Variants in KIF1B observed in about 807,000 individuals in gnomAD.
KIF1B encodes kinesin-like protein KIF1B.
A neutral mutation model predicts 241.9 loss-of-function variants in KIF1B; 76 were observed. The observed-to-expected ratio is 0.31, with a 90% CI of 0.26 to 0.38. The LOEUF is 0.38. Among genes scored for constraint, KIF1B ranks in the 10% least tolerant of loss-of-function variants. The pLI is 1.00. For synonymous variants in KIF1B, 750 were observed against 796.7 expected (o/e 0.94, Z 0.99); for missense variants, 1,622 against 2,271.4 (o/e 0.71, Z 5.81).
chr1:10,357,706 C>A (rs1638291150), intron 38 of KIF1B, among the ~76,000 whole-genome samples: 1 of 149,738 alleles, frequency 6.7e-6, no homozygotes, highest in Non-Finnish European at 1.5e-5. Flanking sequence ...CAGAGCAAGA[C>A]CCTTGTCTAA....
In KIF1B at chr1:10,378,484, A is replaced by G; in HGVS notation, c.*1897A>G. 1 of 716,736 alleles carries G rather than the reference A, an allele frequency of 1.4e-6. No individual in the cohort carries two copies. Among genetic ancestry groups the G allele is most frequent in the Non-Finnish European group, 2.6e-6 (1 of 384,754 alleles). 44.4% of individuals were successfully genotyped at this position (716,736 alleles called of 1,614,324 possible). On this transcript the variant is annotated 3_prime_UTR_variant, in exon 49 of 49. Transcript: ENST00000676179. ...AGTTGTCTTGGGATTGTTTTACACC[A>G]TCCTTTACTTCCCTTGCTCAGACCT...
chr1:10,369,990 A>G (rs886948679), intron 44 of KIF1B, among the ~76,000 whole-genome samples: 2 of 151,944 alleles, frequency 1.3e-5, no homozygotes, highest in Non-Finnish European at 2.9e-5. Flanking sequence ...ATGGCGGCTC[A>G]TGCCTGTAAT....
At chr1:10,255,268 A>G (rs1029578110) in intron 2 of KIF1B, among the ~76,000 whole-genome samples, 3 of 152,086 alleles carry the variant, frequency 2.0e-5, no homozygotes, top group African/African-American at 4.8e-5. Flanking sequence ...ATGTGTTCCA[A>G]TATTTCAGGG....
At chr1:10,318,513 A>T (rs1002815013) in intron 22 of KIF1B, among the ~76,000 whole-genome samples, 1 of 151,502 alleles carries the variant, frequency 6.6e-6, no homozygotes, top group African/African-American at 2.5e-5. Context: ...TGAGGTCAGG[A>T]GTTCGAGATC....
chr1:10,256,431 G>A, intron 3 of KIF1B, 108 bp downstream of exon 3: 1 of 792,460 alleles, frequency 1.3e-6, no homozygotes, highest in Non-Finnish European at 2.3e-6. Context: ...CTTCTTAACT[G>A]TTGTGTAGCA....
rs763558438 is a variant in KIF1B, at chr1:10,365,483, G to A, written c.4587G>A (p.Ser1529=). Residue 1529 remains serine, a synonymous_variant, in exon 43 of 49, where the codon TCG becomes TCA. Coordinates refer to ENST00000676179, the MANE Select transcript of KIF1B (RefSeq NM_001365951.3). This position sits in a 1 kb window ranked among gnomAD's most constrained non-coding sequence, Gnocchi z 4.0. ...GDSIPKSLSD[S]LSPSLSSGTL... ...GCATCCCCAAATCCCTGAGCGACTCGTTATCCCCCAGCCTCAGCAGTGGGA... is the reference window on the plus strand; with the variant it reads ...GCATCCCCAAATCCCTGAGCGACTCATTATCCCCCAGCCTCAGCAGTGGGA... The A allele has an allele frequency of 2.5e-6, 4 of 1,613,940 alleles. No homozygotes were observed. Among genetic ancestry groups the A allele is most frequent in the East Asian group, 2.2e-5 (1 of 44,884 alleles).
chr1:10,302,631 G>A (rs776792863), intron 22 of KIF1B, among the ~76,000 whole-genome samples: 52 of 152,174 alleles, frequency 3.4e-4, no homozygotes, highest in Non-Finnish European at 5.9e-4. Context: ...TTGTTAATCC[G>A]CCTGCTCGTC....
In KIF1B at chr1:10,337,313, C is replaced by T. The variant is rs1652217145; in HGVS notation, c.3260-58C>T. The T allele has an allele frequency of 3.7e-6, 6 of 1,612,008 alleles. No homozygotes were observed. The highest frequency in any genetic ancestry group is 4.2e-6 in the Non-Finnish European group (5 of 1,178,192). ...ATCAACTAGGAATGGAAAGCATGCCCAACTCCCTCCTCTTTGCATTATTTG... is the reference window on the plus strand; with the variant it reads ...ATCAACTAGGAATGGAAAGCATGCCTAACTCCCTCCTCTTTGCATTATTTG... On this transcript the variant is annotated intron_variant, in intron 30 of 48. Transcript: ENST00000676179. The surrounding 1 kb of genome is among the most constrained non-coding windows in gnomAD (Gnocchi z 4.0).
Position 10,321,814 on chromosome 1 carries a change from A to C in KIF1B, c.2315A>C (p.Tyr772Ser). 2 of 1,614,224 alleles carry C rather than the reference A, an allele frequency of 1.2e-6. No homozygotes were observed. Among genetic ancestry groups the C allele is most frequent in the Non-Finnish European group, 1.7e-6 (2 of 1,180,026 alleles). ...GACTTACTCTGGGGCAATGCCGTGT[A>C]CCTAAAGGAGGCCAATGCCATCAGT... ...LRDLLWGNAV[Y>S]LKEANAISVE... Residue 772 changes from tyrosine (Y) to serine (S), a missense_variant, in exon 24 of 49, where the codon TAC (tyrosine) becomes TCC (serine). By Grantham distance (144) the Tyr-to-Ser change is moderately radical (BLOSUM62 -2). Around this residue, in one of 7 missense-constraint regions of KIF1B, gnomAD observed 803 missense variants for 1,112.0 expected, o/e 0.72. Transcript: ENST00000676179.
chr1:10,292,211 C>G, intron 17 of KIF1B, 89 bp downstream of exon 17: 1 of 928,112 alleles, frequency 1.1e-6, no homozygotes, highest in Non-Finnish European at 1.8e-6. Context: ...TCAGGACCTA[C>G]TCTCCCCCTT....
intron 24 of KIF1B, 115 bp from the exon 25 acceptor site, chr1:10,323,769 C>A (rs758813056): frequency 3.2e-5 from 26 of 816,956 alleles, no homozygotes; most frequent in Non-Finnish European, 5.1e-5. Flanking sequence ...AAGTTAGTCA[C>A]AAGATATTTG....
At chr1:10,261,866 A>G (rs753230730) in intron 4 of KIF1B, 39 bp from the exon 5 acceptor site, 7 of 1,380,106 alleles carry the variant, frequency 5.1e-6, no homozygotes, top group Non-Finnish European at 7.2e-6. Context: ...TACTCCTCTC[A>G]TTTGTGCTCT....
chr1:10,306,911 G>A (rs1260964563), intron 22 of KIF1B: 2 of 1,046,220 alleles, frequency 1.9e-6, no homozygotes, highest in Non-Finnish European at 2.3e-6. Flanking sequence ...TCATGGGAGT[G>A]AATGAGTTAC....
At chr1:10,227,583 T>C (rs1646926371) in intron 1 of KIF1B, 1 of 152,108 alleles carries the variant, frequency 6.6e-6, no homozygotes, top group African/African-American at 2.4e-5. Context: ...GAATACTTAA[T>C]AAGCTGTGTA....
intron 25 of KIF1B, 104 bp from the exon 26 acceptor site, chr1:10,324,654 T>C: frequency 2.0e-5 from 6 of 301,844 alleles, no homozygotes; most frequent in Admixed American, 5.5e-5. Context: ...GAGCAACTCC[T>C]TTTTTTTTTT....
At chr1:10,290,412 T>C (rs1649936000) in intron 15 of KIF1B, among the ~76,000 whole-genome samples, 2 of 152,212 alleles carry the variant, frequency 1.3e-5, no homozygotes, top group South Asian at 4.1e-4. Context: ...CTGGGTTGTG[T>C]TCAGGAGGTT....
chr1:10,375,793 T>TG (rs1638868698), intron 48 of KIF1B, among the ~76,000 whole-genome samples: 1 of 129,306 alleles, frequency 7.7e-6, no homozygotes, highest in African/African-American at 3.0e-5. Flanking sequence ...CTTGTTTTTT[T>TG]TTTTTTTTTT....
rs1467745413 is a variant in KIF1B, at chr1:10,321,803, C to T, written c.2304C>T (p.Gly768=). The T allele has an allele frequency of 6.2e-7, 1 of 1,614,034 alleles. No homozygotes were observed. Among genetic ancestry groups the T allele is most frequent in the East Asian group, 2.2e-5 (1 of 44,890 alleles). Reference sequence around the variant, plus strand: ...CTTCATTACGGGACTTACTCTGGGGCAATGCCGTGTACCTAAAGGAGGCCA... The same window carrying T: ...CTTCATTACGGGACTTACTCTGGGGTAATGCCGTGTACCTAAAGGAGGCCA... The part of the protein sequence containing the change: ...QFTSLRDLLW[G]NAVYLKEANA... The change falls in exon 24 of 49, where the codon GGC becomes GGT. Residue 768 remains glycine (G), a synonymous_variant. Transcript: ENST00000676179.
At chr1:10,331,332 G>A (rs759214972) in intron 27 of KIF1B, among the ~76,000 whole-genome samples, 18 of 152,168 alleles carry the variant, frequency 1.2e-4, no homozygotes, top group Admixed American at 7.9e-4. Context: ...TGCAGTAGTT[G>A]TTGTTTGAGG....
Sources: gnomAD v4.1 joint callset for allele counts (sites outside exome capture counted in the v4.1 genomes callset) on GRCh38, gnomAD v4.1.1 for gene constraint, gnomAD v4.1.1 regional missense constraint, Gnocchi (gnomAD v3.1) non-coding constraint, MANE v1.5 for transcripts, NCBI Gene and HGNC (gene_info 2026-07-23, HGNC 2026-07-21) for gene names.